Variants in PCDH15 observed in about 807,000 individuals in gnomAD.
PCDH15 encodes protocadherin-15.
Under a neutral mutation model 178.5 loss-of-function variants are expected in PCDH15, and 129 were observed. That is an observed-to-expected ratio of 0.72 (90% confidence interval 0.63 to 0.84). The LOEUF is 0.84. Among genes scored for constraint, PCDH15 ranks in the 40% least tolerant of loss-of-function variants. PCDH15 has a pLI of 0.00. For missense variants in PCDH15, 2,230 were observed against 2,099.9 expected (o/e 1.06, Z -1.21); for synonymous variants, 800 against 732.0 (o/e 1.09, Z -1.50).
intron 2 of PCDH15, among the ~76,000 whole-genome samples, chr10:55,069,248 G>GT (rs80094733): frequency 5.4e-4 from 70 of 129,684 alleles, no homozygotes; most frequent in Non-Finnish European, 6.9e-4. Flanking sequence ...CTGGTATTTT[G>GT]TTTTTTTTTT....
chr10:54,311,089 G>C (rs2060875857), intron 8 of PCDH15, among the ~76,000 whole-genome samples: 1 of 152,044 alleles, frequency 6.6e-6, no homozygotes, highest in South Asian at 2.1e-4. Context: ...ATGAAAGCTA[G>C]ATTTTTTAAG....
chr10:54,512,272 A>C (rs189554465), intron 3 of PCDH15, among the ~76,000 whole-genome samples: 46 of 152,106 alleles, frequency 3.0e-4, no homozygotes, highest in African/African-American at 1.1e-3. Context: ...ACTAGTGTAG[A>C]TGCAGGTATG....
intron 3 of PCDH15, among the ~76,000 whole-genome samples, chr10:54,428,080 C>A (rs1437020930): frequency 2.6e-5 from 4 of 152,226 alleles, no homozygotes; most frequent in African/African-American, 9.6e-5. Flanking sequence ...TGTGGTTCAT[C>A]ATCCAGATCC....
chr10:54,146,845 T>C (rs1447634644), intron 14 of PCDH15, among the ~76,000 whole-genome samples: 1 of 148,978 alleles, frequency 6.7e-6, no homozygotes, highest in Non-Finnish European at 1.5e-5. Context: ...CCATGGTTGC[T>C]GGCTGGGTCG....
chr10:55,599,539 C>G (rs977140632), intron 2 of PCDH15: 1 of 154,946 alleles, frequency 6.5e-6, no homozygotes, highest in African/African-American at 2.4e-5. Context: ...TTACATTGGA[C>G]TAATCTATTA....
intron 8 of PCDH15, among the ~76,000 whole-genome samples, chr10:54,287,620 G>A (rs147681444): frequency 2.0e-5 from 3 of 151,578 alleles, no homozygotes; most frequent in East Asian, 1.9e-4. Context: ...TATTTTTTTC[G>A]TTCTAAGGCT....
chr10:55,540,106 C>T (rs543362242), intron 2 of PCDH15, among the ~76,000 whole-genome samples: 1 of 152,138 alleles, frequency 6.6e-6, no homozygotes, highest in South Asian at 2.1e-4. Flanking sequence ...AAAGCTATCA[C>T]CAATTGATAC....
chr10:55,586,945 C>G (rs1201142763), intron 2 of PCDH15, among the ~76,000 whole-genome samples: 2 of 152,038 alleles, frequency 1.3e-5, no homozygotes, highest in Non-Finnish European at 2.9e-5. Context: ...ATAGGCATCC[C>G]TTTTGACAAA....
At chr10:54,892,827 A>T (rs1286060180) in intron 3 of PCDH15, among the ~76,000 whole-genome samples, 1 of 151,716 alleles carries the variant, frequency 6.6e-6, no homozygotes, top group African/African-American at 2.4e-5. Flanking sequence ...CCCAGGTTCA[A>T]GCAATTCTCT....
intron 2 of PCDH15, among the ~76,000 whole-genome samples, chr10:55,409,774 C>T (rs1256863551): frequency 6.6e-6 from 1 of 152,014 alleles, no homozygotes; most frequent in Non-Finnish European, 1.5e-5. Context: ...CATCCAGGGA[C>T]ATATATTAAG....
Position 55,280,568 on chromosome 10 carries a change from C to T in PCDH15, c.-156+39031G>A, listed in dbSNP as rs141606160. ...CCTCCCAAAGTGCTGGGATTACAGG[C>T]GTGAGCCACCGTGCCAGGCCTGTTG... is the stretch of plus-strand genomic sequence containing the variant. On this transcript the variant is annotated intron_variant, in intron 1 of 5. Coordinates refer to the PCDH15 transcript ENST00000458638. Among the ~76,000 whole-genome samples, 669 of 150,414 alleles carry T rather than the reference C, an allele frequency of 4.4e-3. 8 individuals carry two copies. Among genetic ancestry groups the T allele is most frequent in the African/African-American group, 0.015 (618 of 40,884 alleles).
rs529100647 is a variant in PCDH15, at chr10:54,197,623, TCTAA to T, written c.1099-1738_1099-1735del. 2.6e-3 allele frequency among the ~76,000 whole-genome samples: 391 copies of T among 152,304 alleles called. 1 individual carries two copies. Among genetic ancestry groups the T allele is most frequent in the African/African-American group, 9.0e-3 (374 of 41,572 alleles). Reference sequence around the variant, plus strand: ...TTTGTAAGTAGCTCAGCTAGAGATCTCTAACTGTTAAAACGTGAGGAAAGAAATT... The same window carrying T: ...TTTGTAAGTAGCTCAGCTAGAGATCTCTGTTAAAACGTGAGGAAAGAAATT... On this transcript the variant is annotated intron_variant, in intron 10 of 37. Transcript: ENST00000644397.
At chr10:55,127,035 T>C (rs569868049) in intron 2 of PCDH15, among the ~76,000 whole-genome samples, 1 of 152,120 alleles carries the variant, frequency 6.6e-6, no homozygotes, top group Non-Finnish European at 1.5e-5. Context: ...TAGTAGAACA[T>C]ACTTCAAATA....
intron 3 of PCDH15, among the ~76,000 whole-genome samples, chr10:54,519,426 A>C (rs2082599754): frequency 6.8e-6 from 1 of 146,822 alleles, no homozygotes; most frequent in East Asian, 1.9e-4. Flanking sequence ...TAACAGACAA[A>C]CAGAGAGCCA....
At chr10:55,381,881 C>T (rs191197517) in intron 2 of PCDH15, among the ~76,000 whole-genome samples, 53 of 152,294 alleles carry the variant, frequency 3.5e-4, no homozygotes, top group East Asian at 2.1e-3. Flanking sequence ...ATACCCCTCA[C>T]GCTGATTGGC....
intron 2 of PCDH15, among the ~76,000 whole-genome samples, chr10:55,578,141 A>T (rs1217569461): frequency 1.3e-5 from 2 of 152,108 alleles, no homozygotes; most frequent in Non-Finnish European, 2.9e-5. Flanking sequence ...TCTTTGTCTA[A>T]TTAAGCCAGG....
intron 1 of PCDH15, among the ~76,000 whole-genome samples, chr10:54,767,511 A>G (rs1948651573): frequency 6.6e-6 from 1 of 152,140 alleles, no homozygotes; most frequent in Admixed American, 6.5e-5. Flanking sequence ...GCCCTGGTGT[A>G]AGAAACTTCT....
chr10:55,533,483 G>A (rs12415865), intron 2 of PCDH15, among the ~76,000 whole-genome samples: 7,029 of 151,854 alleles, frequency 0.046, 418 homozygotes, highest in East Asian at 0.31. Flanking sequence ...TACAATAGCC[G>A]CAAATAAAAT....
intron 3 of PCDH15, among the ~76,000 whole-genome samples, chr10:54,393,472 G>A (rs1256443023): frequency 1.3e-5 from 2 of 152,046 alleles, no homozygotes; most frequent in Non-Finnish European, 2.9e-5. Flanking sequence ...AGTAAAAACT[G>A]AACTAAATGG....
Sources: allele counts gnomAD v4.1 joint callset (sites outside exome capture counted in the v4.1 genomes callset), GRCh38; gene constraint gnomAD v4.1.1; transcripts MANE v1.5; gene names NCBI Gene and HGNC (gene_info 2026-07-23, HGNC 2026-07-21).